The following GIT2 variants were observed in gnomAD, a reference collection of about 807,000 sequenced individuals.
GIT2 encodes GIT ArfGAP 2.
Under a neutral mutation model 100.3 loss-of-function variants are expected in GIT2, and 32 were observed. The observed-to-expected ratio is 0.32, with a 90% CI of 0.24 to 0.43. The LOEUF is 0.43. GIT2 is among the 20% of genes least tolerant of loss of function. The pLI is 1.00. For missense variants in GIT2, 737 were observed against 975.1 expected (o/e 0.76, Z 3.25); for synonymous variants, 353 against 364.1 (o/e 0.97, Z 0.35).
Position 109,938,696 on chromosome 12 carries a change from T to C in GIT2, c.1815-128A>G, listed in dbSNP as rs1873736582. Reference sequence around the variant, plus strand: ...TGGTCTCGTCATTTCCTTTATCCTGTCTAGCAGGAGACTCATGGTAAGGCT... The same window carrying C: ...TGGTCTCGTCATTTCCTTTATCCTGCCTAGCAGGAGACTCATGGTAAGGCT... On this transcript the variant is annotated intron_variant, in intron 17 of 19. Coordinates refer to ENST00000355312, the MANE Select transcript of GIT2 (RefSeq NM_057169.5). 4.7e-6 allele frequency: 3 copies of C among 638,156 alleles called. No homozygotes were observed. The South Asian group carries it at 6.4e-5, about 14-fold the overall frequency. 39.5% of individuals were successfully genotyped at this position (638,156 alleles called of 1,614,324 possible).
chr12:109,991,811 C>G (rs755151051), intron 1 of GIT2, 51 bp from the exon 2 acceptor site: 1 of 1,535,948 alleles, frequency 6.5e-7, no homozygotes. Context: ...GGTTGCTATA[C>G]CGCCAGATGG....
At chr12:109,969,632 G>C (rs774730862) in intron 7 of GIT2, among the ~76,000 whole-genome samples, 1 of 151,540 alleles carries the variant, frequency 6.6e-6, no homozygotes, top group African/African-American at 2.4e-5. Context: ...CTGCAGCCTC[G>C]ACTTCCTGGG....
Position 109,947,295 on chromosome 12 carries a change from G to C in GIT2, c.1602C>G (p.Pro534=). ...GCTGGAGTCTCATCCTGCTCTCTTC[G>C]GGGCGGCTCGCTTCTCCCATTGGGA... ...PYLPMGEASR[P]EESRMRLQPF... Residue 534 remains proline (P), a synonymous_variant, in exon 15 of 20, where the codon CCC becomes CCG. Coordinates refer to ENST00000355312, the MANE Select transcript of GIT2 (RefSeq NM_057169.5). The surrounding 1 kb of genome is among the most constrained non-coding windows in gnomAD (Gnocchi z 4.3). 1.2e-6 allele frequency: 2 copies of C among 1,614,096 alleles called. No individual in the cohort carries two copies. The highest frequency in any genetic ancestry group is 1.3e-5 in the African/African-American group (1 of 75,032).
At position 109,959,914 on chromosome 12, in the gene GIT2, C is replaced by T. The variant is rs1437561670; in HGVS notation, c.1032G>A (p.Thr344=). The T allele has an allele frequency of 6.2e-6, 10 of 1,613,892 alleles. No homozygotes were observed. The highest frequency in any genetic ancestry group is 1.6e-4 in the Middle Eastern group (1 of 6,062). The change falls in exon 12 of 20, where the codon ACG becomes ACA. Residue 344 remains threonine, a synonymous_variant. Coordinates refer to ENST00000355312, the MANE Select transcript of GIT2 (RefSeq NM_057169.5). ...LARFNAHEFA[T]LVIDILSDAK... is the part of the protein sequence containing the mutation. The stretch of plus-strand genomic sequence containing the variant: ...CGTCACTGAGAATGTCAATGACCAG[C>T]GTGGCAAACTCATGGGCGTTGAACC...
intron 16 of GIT2, among the ~76,000 whole-genome samples, chr12:109,942,309 A>G (rs1457760828): frequency 6.6e-6 from 1 of 152,190 alleles, no homozygotes; most frequent in South Asian, 2.1e-4. Flanking sequence ...AGAAAATTCT[A>G]CATTTTTATA....
chr12:109,961,836 C>A, intron 9 of GIT2, 151 bp from the exon 10 acceptor site: 1 of 618,272 alleles, frequency 1.6e-6, no homozygotes, highest in South Asian at 1.9e-5. Context: ...ATAACATTTT[C>A]AAAATCGTAC....
At chr12:109,990,693 C>T (rs1264792910) in intron 2 of GIT2, among the ~76,000 whole-genome samples, 2 of 152,150 alleles carry the variant, frequency 1.3e-5, no homozygotes, top group Non-Finnish European at 2.9e-5. Context: ...ACCTTGAGTT[C>T]CAAGAGAACT....
intron 7 of GIT2, among the ~76,000 whole-genome samples, chr12:109,972,228 T>C (rs1449569963): frequency 1.3e-5 from 2 of 152,178 alleles, no homozygotes; most frequent in East Asian, 1.9e-4. Flanking sequence ...CAGTGTGATG[T>C]AGAAGAGAAA....
intron 1 of GIT2, among the ~76,000 whole-genome samples, chr12:109,994,991 T>G (rs1028017872): frequency 2.0e-5 from 3 of 152,212 alleles, no homozygotes; most frequent in Non-Finnish European, 4.4e-5. Flanking sequence ...AGGTTTGAGT[T>G]ATCACAGTTC....
chr12:109,997,754 T>C (rs921822836), upstream of GIT2: 4 of 152,260 alleles, frequency 2.6e-5, no homozygotes, highest in Admixed American at 6.5e-5. Context: ...TGGATATTGC[T>C]ATTATTTTCT....
At chr12:109,989,220 T>A (rs906953925) in intron 3 of GIT2, 152 bp from the exon 4 acceptor site, 10 of 622,748 alleles carry the variant, frequency 1.6e-5, no homozygotes, top group Admixed American at 2.8e-5. Flanking sequence ...GTTTAAGACC[T>A]GCAGTTTGAA....
intron 13 of GIT2, among the ~76,000 whole-genome samples, chr12:109,952,333 C>G (rs1288970642): frequency 6.6e-6 from 1 of 152,142 alleles, no homozygotes; most frequent in Non-Finnish European, 1.5e-5. Context: ...AGCTCACACT[C>G]TGGTGCCGAG....
chr12:109,989,717 C>A lies in GIT2; in HGVS notation c.272G>T (p.Arg91Leu), dbSNP rs1337166297. Residue 91 changes from arginine (R) to leucine (L), a missense_variant, in exon 3 of 20, where the codon CGT (arginine) becomes CTT (leucine). By Grantham distance (102) the Arg-to-Leu change is moderately radical. This residue lies in a region of GIT2 where 266 missense variants were observed against 376.2 expected (regional missense o/e 0.71). Coordinates refer to ENST00000355312, the MANE Select transcript of GIT2 (RefSeq NM_057169.5). ...TACTTTATCCTGTGGATTAGCTTTA[C>A]GTCTTCCACTCATAATAGACGCAGG... is the stretch of plus-strand genomic sequence containing the variant. ...LDPASIMSGRRKANPQDKVHP... is the reference protein window; with the variant it reads ...LDPASIMSGRLKANPQDKVHP... 6.4e-7 allele frequency: 1 copy of A among 1,559,928 alleles called. No homozygotes were observed. The highest frequency in any genetic ancestry group is 2.2e-5 in the East Asian group (1 of 44,638).
At chr12:109,950,735 A>G (rs779216999) in intron 14 of GIT2, 1 of 159,052 alleles carries the variant, frequency 6.3e-6, no homozygotes, top group Non-Finnish European at 1.4e-5. Flanking sequence ...CTGGTGAGCA[A>G]TAAGGTGGGG....
chr12:109,991,894 G>T, intron 1 of GIT2, 134 bp from the exon 2 acceptor site: 1 of 696,102 alleles, frequency 1.4e-6, no homozygotes, highest in Non-Finnish European at 2.4e-6. Context: ...CAATGCATCA[G>T]GCTGGTCATC....
intron 1 of GIT2, among the ~76,000 whole-genome samples, chr12:109,993,170 T>G (rs1342626372): frequency 1.3e-5 from 2 of 152,152 alleles, no homozygotes; most frequent in Non-Finnish European, 2.9e-5. Context: ...AGGAATAATT[T>G]CATACTTGGC....
chr12:109,991,920 A>G, intron 1 of GIT2, 160 bp from the exon 2 acceptor site: 1 of 601,848 alleles, frequency 1.7e-6, no homozygotes. Flanking sequence ...GGATGGTATG[A>G]CCTACCTTGG....
chr12:109,977,345 T>C (rs1253757774), intron 7 of GIT2, among the ~76,000 whole-genome samples: 1 of 151,536 alleles, frequency 6.6e-6, no homozygotes, highest in Non-Finnish European at 1.5e-5. Context: ...ACCCCATCTC[T>C]ACAAAAAATA....
intron 2 of GIT2, among the ~76,000 whole-genome samples, chr12:109,990,743 G>A (rs1005776353): frequency 6.6e-6 from 1 of 152,222 alleles, no homozygotes; most frequent in Non-Finnish European, 1.5e-5. Flanking sequence ...AAGGTGACAT[G>A]ACATTGGACT....
Sources: gnomAD v4.1 joint callset for allele counts (sites outside exome capture counted in the v4.1 genomes callset) on GRCh38, gnomAD v4.1.1 for gene constraint, gnomAD v4.1.1 regional missense constraint, Gnocchi (gnomAD v3.1) non-coding constraint, MANE v1.5 for transcripts, NCBI Gene and HGNC (gene_info 2026-07-23, HGNC 2026-07-21) for gene names.